The following GNG12 variants were observed in gnomAD, a reference collection of about 807,000 sequenced individuals.
GNG12 encodes the protein guanine nucleotide-binding protein G(I)/G(S)/G(O) subunit gamma-12.
For missense variants in GNG12, 69 were observed against 83.8 expected (o/e 0.82, Z 0.69); for synonymous variants, 28 against 29.7 (o/e 0.94, Z 0.19).
chr1:67,757,140 T>G (rs1232833893), intron 2 of GNG12, among the ~76,000 whole-genome samples: 1 of 152,206 alleles, frequency 6.6e-6, no homozygotes, highest in Non-Finnish European at 1.5e-5. Context: ...AAGTCTAAAC[T>G]TGAAATTCAT....
At chr1:67,786,247 C>T (rs1646766855) in intron 1 of GNG12, among the ~76,000 whole-genome samples, 1 of 152,160 alleles carries the variant, frequency 6.6e-6, no homozygotes, top group African/African-American at 2.4e-5. Flanking sequence ...AATACCCCAG[C>T]CTATACAATA....
At chr1:67,829,524 C>T (rs1173195553) in intron 1 of GNG12, among the ~76,000 whole-genome samples, 1 of 152,072 alleles carries the variant, frequency 6.6e-6, no homozygotes, top group Non-Finnish European at 1.5e-5. Context: ...AATGCATGCT[C>T]ATTATACAAC....
At chr1:67,754,010 T>C (rs189917306) in intron 2 of GNG12, among the ~76,000 whole-genome samples, 6 of 152,326 alleles carry the variant, frequency 3.9e-5, no homozygotes, top group African/African-American at 1.2e-4. Context: ...CAGCATGCCC[T>C]GCCCCTTTGG....
rs1359023385 is a variant in GNG12, at chr1:67,762,165, GACC to G, written c.-27+15290_-27+15292del. ...TACAGATCAATACCTTCTTTTGCCT[GACC>G]ACCACCACCGCCCCCAACCCAAGGC... On this transcript the variant is annotated intron_variant, in intron 2 of 3. Transcript: ENST00000370982. 5.3e-5 allele frequency among the ~76,000 whole-genome samples: 8 copies of G among 152,206 alleles called. No individual in the cohort carries two copies. In the South Asian group the frequency reaches 8.3e-4, roughly 16 times the overall value.
At chr1:67,807,162 G>A (rs1445173906) in intron 1 of GNG12, among the ~76,000 whole-genome samples, 1 of 152,032 alleles carries the variant, frequency 6.6e-6, no homozygotes, top group Non-Finnish European at 1.5e-5. Context: ...AATACCTAGA[G>A]ATTAAACAAC....
intron 1 of GNG12, among the ~76,000 whole-genome samples, chr1:67,826,427 C>T (rs1647011211): frequency 6.6e-6 from 1 of 152,230 alleles, no homozygotes; most frequent in African/African-American, 2.4e-5. Context: ...TATAACAGTT[C>T]AAGGTATCCC....
At chr1:67,765,604 TC>T (rs553534888) in intron 2 of GNG12, among the ~76,000 whole-genome samples, 134 of 152,368 alleles carry the variant, frequency 8.8e-4, no homozygotes, top group Non-Finnish European at 1.6e-3. Flanking sequence ...TTTGTATATT[TC>T]AACCCTTATT....
At chr1:67,730,362 A>G (rs1340395506) in intron 2 of GNG12, among the ~76,000 whole-genome samples, 2 of 152,204 alleles carry the variant, frequency 1.3e-5, no homozygotes, top group African/African-American at 2.4e-5. Context: ...TTAGCTGGGC[A>G]TGGTGGTGCA....
At chr1:67,733,421 T>C (rs142916893) in intron 2 of GNG12, among the ~76,000 whole-genome samples, 289 of 152,354 alleles carry the variant, frequency 1.9e-3, no homozygotes, top group African/African-American at 6.5e-3. Flanking sequence ...TTTGCAAATA[T>C]ACAATCATAT....
intron 2 of GNG12, among the ~76,000 whole-genome samples, chr1:67,724,590 A>G (rs528900636): frequency 2.0e-5 from 3 of 152,124 alleles, no homozygotes; most frequent in Non-Finnish European, 4.4e-5. Flanking sequence ...GGGTTTCACC[A>G]TGTTCACCAG....
At chr1:67,796,766 A>G (rs893941118) in intron 1 of GNG12, among the ~76,000 whole-genome samples, 2 of 152,180 alleles carry the variant, frequency 1.3e-5, no homozygotes, top group African/African-American at 2.4e-5. Context: ...TTGTGTTGCT[A>G]TAAAGTAATA....
At chr1:67,792,961 C>T (rs968596460) in intron 1 of GNG12, among the ~76,000 whole-genome samples, 3 of 152,170 alleles carry the variant, frequency 2.0e-5, no homozygotes, top group Non-Finnish European at 4.4e-5. Context: ...ACAGAGTTAG[C>T]TCCCAGGGGA....
chr1:67,750,823 A>G (rs1175514222), intron 2 of GNG12, among the ~76,000 whole-genome samples: 1 of 152,220 alleles, frequency 6.6e-6, no homozygotes, highest in African/African-American at 2.4e-5. Flanking sequence ...TATGTGCAGG[A>G]TAAACTCTAG....
intron 1 of GNG12, among the ~76,000 whole-genome samples, chr1:67,792,757 G>A (rs1010394052): frequency 1.3e-5 from 2 of 152,104 alleles, no homozygotes; most frequent in Admixed American, 6.6e-5. Context: ...TGCAGTTTGG[G>A]CCTAGCAGCC....
intron 1 of GNG12, among the ~76,000 whole-genome samples, chr1:67,797,444 G>A (rs1280063626): frequency 6.6e-6 from 1 of 152,134 alleles, no homozygotes; most frequent in Non-Finnish European, 1.5e-5. Flanking sequence ...AAGTCCCATG[G>A]CTTGTTGAAC....
Position 67,703,342 on chromosome 1 carries a change from T to TA in GNG12, c.*2108dup, listed in dbSNP as rs1646226353. ...AAGAGCATGTTTCAGTACTAAATAA[T>TA]AAACTATGCCTGCTACCAATAACAT... On this transcript the variant is annotated 3_prime_UTR_variant, in exon 4 of 4. Coordinates refer to ENST00000370982, the MANE Select transcript of GNG12 (RefSeq NM_018841.6). The TA allele has an allele frequency of 6.6e-6, 1 of 152,180 alleles. No homozygotes were observed. Among genetic ancestry groups the TA allele is most frequent in the Non-Finnish European group, 1.5e-5 (1 of 68,022 alleles). 9.4% of individuals were successfully genotyped at this position (152,180 alleles called of 1,614,324 possible). A position where few individuals can be genotyped will look rare whatever the true frequency, so the allele number is the denominator to read the frequency against.
intron 2 of GNG12, among the ~76,000 whole-genome samples, chr1:67,712,687 C>G (rs1290277289): frequency 6.6e-6 from 1 of 151,476 alleles, no homozygotes; most frequent in Non-Finnish European, 1.5e-5. Context: ...AGCGAGACCC[C>G]CATTTAAAAA....
chr1:67,833,045 C>T (rs1035761003), intron 1 of GNG12, among the ~76,000 whole-genome samples: 1 of 151,808 alleles, frequency 6.6e-6, no homozygotes. Context: ...CGGCTTCCCG[C>T]AACCTCGGGC....
chr1:67,783,905 T>G (rs1009894594), intron 1 of GNG12, among the ~76,000 whole-genome samples: 79 of 150,110 alleles, frequency 5.3e-4, no homozygotes, highest in African/African-American at 1.9e-3. Flanking sequence ...GAAGTCAGTG[T>G]GGCGATTCCT....
Sources: gnomAD v4.1 joint callset for allele counts (sites outside exome capture counted in the v4.1 genomes callset) on GRCh38, gnomAD v4.1.1 for gene constraint, MANE v1.5 for transcripts, NCBI Gene and HGNC (gene_info 2026-07-23, HGNC 2026-07-21) for gene names.